Variants in KANK1 observed in about 807,000 individuals in gnomAD.
The protein encoded by KANK1 is KN motif and ankyrin repeat domains 1, also known as KN motif and ankyrin repeat domain-containing protein 1.
A neutral mutation model predicts 106.2 loss-of-function variants in KANK1; 109 were observed. That is an observed-to-expected ratio of 1.03 (90% confidence interval 0.88 to 1.20). The LOEUF is 1.20. Among genes scored for constraint, KANK1 ranks in the 50% most tolerant of loss-of-function variants. The pLI is 0.00. For synonymous variants in KANK1, 873 were observed against 652.2 expected (o/e 1.34, Z -5.16); for missense variants, 2,399 against 1,710.7 (o/e 1.40, Z -7.10).
chr9:636,607 C>T (rs1346966327), intron 1 of KANK1, among the ~76,000 whole-genome samples: 4 of 152,212 alleles, frequency 2.6e-5, no homozygotes, highest in Admixed American at 2.0e-4. Flanking sequence ...GTGGCTCACA[C>T]CTGTAATCCC....
At chr9:643,820 A>G (rs1261725632) in intron 1 of KANK1, among the ~76,000 whole-genome samples, 1 of 150,292 alleles carries the variant, frequency 6.7e-6, no homozygotes, top group Non-Finnish European at 1.5e-5. Flanking sequence ...CTCCTGCCTC[A>G]GCCTCCTGAG....
intron 1 of KANK1, among the ~76,000 whole-genome samples, chr9:675,555 CTTA>C (rs1217936694): frequency 6.6e-6 from 1 of 150,694 alleles, no homozygotes; most frequent in Non-Finnish European, 1.5e-5. Flanking sequence ...AAATATAAGT[CTTA>C]TTATGGTAAT....
At position 745,232 on chromosome 9, in the gene KANK1, T is replaced by G; in HGVS notation, c.4056T>G (p.Asp1352Glu). 1 of 1,614,126 alleles carries G rather than the reference T, an allele frequency of 6.2e-7. No homozygotes were observed. Among genetic ancestry groups the G allele is most frequent in the Non-Finnish European group, 8.5e-7 (1 of 1,179,986 alleles). Residue 1352 changes from aspartate to glutamate, a missense_variant, in exon 12 of 12, where the codon GAT becomes GAG. Asp to Glu is a conservative substitution (Grantham distance 45). Coordinates refer to ENST00000382297, the MANE Select transcript of KANK1 (RefSeq NM_015158.5). Reference protein sequence around the residue: ...SPGPTHRGSFD With the variant: ...SPGPTHRGSFE ...GCCCCACCCACCGAGGTTCATTTGA[T>G]TGATTGTATGCAAATAGCCCTTTAT... is the stretch of plus-strand genomic sequence containing the variant.
chr9:522,850 C>A (rs2059612517), intron 1 of KANK1, among the ~76,000 whole-genome samples: 1 of 151,744 alleles, frequency 6.6e-6, no homozygotes, highest in South Asian at 2.1e-4. Flanking sequence ...TCCCTTGGTG[C>A]TGACAGCTCA....
At chr9:732,821 T>C (rs1832687008) in intron 6 of KANK1, 1 of 478,216 alleles carries the variant, frequency 2.1e-6, no homozygotes, top group East Asian at 3.2e-5. Flanking sequence ...TGGTACCTAA[T>C]CACCCTTGTT....
At chr9:663,021 A>T (rs10975636) in intron 1 of KANK1, among the ~76,000 whole-genome samples, 2 of 151,950 alleles carry the variant, frequency 1.3e-5, no homozygotes, top group Non-Finnish European at 2.9e-5. Flanking sequence ...GATGTGTTAC[A>T]TGTCCCCCTT....
In KANK1 at chr9:746,102, C is replaced by G. The variant is rs1410725690; in HGVS notation, c.*867C>G. 6.6e-6 allele frequency: 1 copy of G among 152,654 alleles called. No individual in the cohort carries two copies. The highest frequency in any genetic ancestry group is 2.4e-5 in the African/African-American group (1 of 41,460). The allele number at this position is 152,654 out of a possible 1,614,324, so 9.5% of individuals were successfully genotyped here. On this transcript the variant is annotated 3_prime_UTR_variant, in exon 12 of 12. Transcript: ENST00000382297. ...TTTCAAAATAAAATTCCATTAAGCT[C>G]TTTTCCTTGTCCCTGTTTCATCTCT...
intron 1 of KANK1, among the ~76,000 whole-genome samples, chr9:512,954 T>A (rs1318570679): frequency 6.6e-6 from 1 of 152,210 alleles, no homozygotes; most frequent in Non-Finnish European, 1.5e-5. Context: ...AATAAAGCAG[T>A]CCATTCTTTA....
chr9:567,794 C>T (rs1252420013), intron 1 of KANK1, among the ~76,000 whole-genome samples: 1 of 152,156 alleles, frequency 6.6e-6, no homozygotes. Context: ...CAGGGAGATG[C>T]CCGAGCTTAT....
In KANK1 at chr9:676,999, C is replaced by T; in HGVS notation, c.27C>T (p.Gly9=). Residue 9 remains glycine (G), a synonymous_variant, in exon 2 of 12, where the codon GGC becomes GGT. Coordinates refer to ENST00000382297, the MANE Select transcript of KANK1 (RefSeq NM_015158.5). The part of the protein sequence containing the change: MAHTTKVN[G]SASGKAGDIL... Reference sequence around the variant, plus strand: ...TGGCTCACACCACAAAGGTTAACGGCAGTGCCTCAGGTAACCCTGTGCTCT... The same window carrying T: ...TGGCTCACACCACAAAGGTTAACGGTAGTGCCTCAGGTAACCCTGTGCTCT... 6.2e-7 allele frequency: 1 copy of T among 1,613,746 alleles called. No homozygotes were observed. Among genetic ancestry groups the T allele is most frequent in the Non-Finnish European group, 8.5e-7 (1 of 1,179,740 alleles).
At chr9:627,817 G>A (rs1297036349) in intron 1 of KANK1, among the ~76,000 whole-genome samples, 1 of 152,184 alleles carries the variant, frequency 6.6e-6, no homozygotes, top group African/African-American at 2.4e-5. Context: ...TTCAGCAATA[G>A]TGATAACCAG....
chr9:648,179 T>G lies in KANK1; in HGVS notation c.-83-28711T>G, dbSNP rs189041198. 8.7e-4 allele frequency among the ~76,000 whole-genome samples: 126 copies of G among 144,088 alleles called. 10 individuals carry two copies. Among genetic ancestry groups the G allele is most frequent in the African/African-American group, 3.4e-3 (117 of 34,246 alleles). 94.5% of individuals were successfully genotyped at this position (144,088 alleles called of 152,430 possible). Reference sequence around the variant, plus strand: ...CCACCACGCCTGGGTAATTTTTATATTTTTAGTAGAGACGGGGTGTCATCA... The same window carrying G: ...CCACCACGCCTGGGTAATTTTTATAGTTTTAGTAGAGACGGGGTGTCATCA... On this transcript the variant is annotated intron_variant, in intron 1 of 11. Transcript: ENST00000382297.
intron 1 of KANK1, among the ~76,000 whole-genome samples, chr9:547,943 CT>C (rs921854176): frequency 3.3e-5 from 5 of 152,002 alleles, no homozygotes; most frequent in African/African-American, 1.2e-4. Context: ...GATCATCTGA[CT>C]TTTTTTTATG....
rs139411369 is a variant in KANK1, at chr9:742,256, G to A, written c.3748G>A (p.Val1250Met). The A allele has an allele frequency of 6.2e-7, 1 of 1,614,212 alleles. No individual in the cohort carries two copies. The highest frequency in any genetic ancestry group is 8.5e-7 in the Non-Finnish European group (1 of 1,180,042). ...LAVSHGRIDM[V>M]KGLLACGADV... ...GGTCAGTCACGGACGGATAGACATGGTGAAGGGCCTTCTGGCCTGTGGGGC... is the reference window on the plus strand; with the variant it reads ...GGTCAGTCACGGACGGATAGACATGATGAAGGGCCTTCTGGCCTGTGGGGC... The change falls in exon 10 of 12, where the codon GTG becomes ATG. Residue 1250 changes from valine (V) to methionine (M), a missense_variant. Val to Met is a conservative substitution (Grantham distance 21). Coordinates refer to ENST00000382297, the MANE Select transcript of KANK1 (RefSeq NM_015158.5).
intron 4 of KANK1, chr9:730,902 A>C: frequency 3.4e-6 from 1 of 290,954 alleles, no homozygotes. Flanking sequence ...GCCGGATACA[A>C]ATGTCAGTTT....
At position 559,087 on chromosome 9, in the gene KANK1, A is replaced by G. The variant is rs1815681924; in HGVS notation, c.-84+54333A>G. 2.0e-5 allele frequency among the ~76,000 whole-genome samples: 3 copies of G among 152,178 alleles called. No individual in the cohort carries two copies. In the South Asian group the frequency reaches 6.2e-4, roughly 31 times the overall value. ...TTTTTTCATCTTTATTTCTTAATTA[A>G]CAACTGTGATCTGTATTTTAAATGA... On this transcript the variant is annotated intron_variant, in intron 1 of 11. Transcript: ENST00000382297.
intron 1 of KANK1, among the ~76,000 whole-genome samples, chr9:623,566 C>T (rs1206914056): frequency 1.3e-5 from 2 of 149,358 alleles, no homozygotes; most frequent in African/African-American, 4.9e-5. Context: ...GATCATGCCA[C>T]TGCCCTCCAG....
At chr9:553,416 T>G (rs1321576599) in intron 1 of KANK1, among the ~76,000 whole-genome samples, 1 of 152,166 alleles carries the variant, frequency 6.6e-6, no homozygotes, top group African/African-American at 2.4e-5. Flanking sequence ...TATTAAACAT[T>G]TGGGGAAACT....
intron 1 of KANK1, among the ~76,000 whole-genome samples, chr9:621,849 C>G (rs528106016): frequency 1.4e-4 from 21 of 152,184 alleles, no homozygotes; most frequent in Middle Eastern, 3.4e-3. Flanking sequence ...GAACTTTGCC[C>G]TCGCCGGTGG....
Sources: gnomAD v4.1 joint callset for allele counts (sites outside exome capture counted in the v4.1 genomes callset) on GRCh38, gnomAD v4.1.1 for gene constraint, MANE v1.5 for transcripts, NCBI Gene and HGNC (gene_info 2026-07-23, HGNC 2026-07-21) for gene names.